DCDC1: variants seen among roughly 807,000 people sequenced by gnomAD.
DCDC1 encodes doublecortin domain containing 1.
Under a neutral mutation model 178.3 loss-of-function variants are expected in DCDC1, and 200 were observed. That is an observed-to-expected ratio of 1.12 (90% CI 1.00 to 1.26). DCDC1 has a LOEUF of 1.26. Ranked by LOEUF, DCDC1 falls within the 50% of genes most tolerant of loss-of-function variation. The pLI, the probability that DCDC1 is intolerant of heterozygous loss-of-function variation, is 0.00. For synonymous variants in DCDC1, 690 were observed against 604.8 expected (o/e 1.14, Z -2.07); for missense variants, 1,983 against 1,749.2 (o/e 1.13, Z -2.38).
At chr11:31,213,131 C>G (rs997596673) in intron 9 of DCDC1, among the ~76,000 whole-genome samples, 38 of 138,234 alleles carry the variant, frequency 2.7e-4, no homozygotes, top group African/African-American at 1.0e-3. Flanking sequence ...CTCTCTCTCT[C>G]TCTCTCTCTC....
chr11:30,987,133 C>T (rs903080439), intron 20 of DCDC1, among the ~76,000 whole-genome samples: 1 of 152,124 alleles, frequency 6.6e-6, no homozygotes, highest in Non-Finnish European at 1.5e-5. Context: ...TCTCCTGCCT[C>T]AGCCTCCCAA....
Position 31,002,254 on chromosome 11 carries a change from C to T in DCDC1, c.2592-49686G>A, listed in dbSNP as rs528815481. ...CAATGCAGAAGTAATTGTGCCAATGCTTTTCTCATTAGATGTCAATGTGAA... is the reference window on the plus strand; with the variant it reads ...CAATGCAGAAGTAATTGTGCCAATGTTTTTCTCATTAGATGTCAATGTGAA... On this transcript the variant is annotated intron_variant, in intron 20 of 38. Transcript: ENST00000684477. Among the ~76,000 whole-genome samples, 30 of 152,274 alleles carry T rather than the reference C, an allele frequency of 2.0e-4. No homozygotes were observed. In the East Asian group the frequency reaches 5.6e-3, roughly 28 times the overall value.
chr11:31,309,985 C>A (rs184049480), intron 3 of DCDC1, among the ~76,000 whole-genome samples: 1 of 152,168 alleles, frequency 6.6e-6, no homozygotes, highest in East Asian at 1.9e-4. Context: ...TTTTGTTTGT[C>A]ACACACATCT....
intron 31 of DCDC1, chr11:30,904,616 C>T (rs78195959): frequency 0.022 from 6,013 of 279,182 alleles, 355 homozygotes; most frequent in African/African-American, 0.12. Flanking sequence ...ATTCAGATGA[C>T]ATACAACTTG....
chr11:31,280,904 T>C (rs989097278), intron 7 of DCDC1: 4 of 640,540 alleles, frequency 6.2e-6, no homozygotes, highest in Non-Finnish European at 1.2e-5. Flanking sequence ...AGGCCCAGTC[T>C]TGTGCTTGCC....
intron 8 of DCDC1, among the ~76,000 whole-genome samples, chr11:31,256,674 T>A (rs1281191419): frequency 6.6e-6 from 1 of 152,178 alleles, no homozygotes; most frequent in Non-Finnish European, 1.5e-5. Context: ...TTGGGTCATG[T>A]AGTTGAATAT....
intron 9 of DCDC1, among the ~76,000 whole-genome samples, chr11:31,227,103 C>T (rs1975072567): frequency 6.6e-6 from 1 of 151,980 alleles, no homozygotes; most frequent in South Asian, 2.1e-4. Context: ...CAAAGCAAGC[C>T]AAAAAGATAT....
In DCDC1 at chr11:31,042,983, A is replaced by C. The variant is rs115721163; in HGVS notation, c.2591+21486T>G. On this transcript the variant is annotated intron_variant, in intron 20 of 38. Coordinates refer to ENST00000684477, the MANE Select transcript of DCDC1 (RefSeq NM_001387274.1). ...GGAAATGCTTCTAGGCGACTTTGTA[A>C]TTGTGAGAACATCATAGAGCGTACT... Among the ~76,000 whole-genome samples, 341 of 152,306 alleles carry C rather than the reference A, an allele frequency of 2.2e-3. 2 individuals are homozygous for C. The highest frequency in any genetic ancestry group is 7.7e-3 in the African/African-American group (321 of 41,556).
At chr11:31,217,772 T>C (rs1469472357) in intron 9 of DCDC1, among the ~76,000 whole-genome samples, 1 of 152,160 alleles carries the variant, frequency 6.6e-6, no homozygotes, top group Non-Finnish European at 1.5e-5. Flanking sequence ...TGCATGCTAA[T>C]AAGATTTTCT....
chr11:31,368,078 G>A (rs2133440492), intron 1 of DCDC1, among the ~76,000 whole-genome samples: 1 of 152,250 alleles, frequency 6.6e-6, no homozygotes, highest in African/African-American at 2.4e-5. Context: ...CCGTGGAAAT[G>A]TAAGTAAGGT....
chr11:31,294,033 C>A (rs1005199866), intron 6 of DCDC1, among the ~76,000 whole-genome samples: 5 of 152,202 alleles, frequency 3.3e-5, no homozygotes, highest in Non-Finnish European at 5.9e-5. Flanking sequence ...TTCTCTCCAA[C>A]TAATTGCTTA....
chr11:31,094,293 T>C, intron 15 of DCDC1, 109 bp from the exon 16 acceptor site: 1 of 650,602 alleles, frequency 1.5e-6, no homozygotes, highest in Admixed American at 2.4e-5. Flanking sequence ...TTCTGATTGA[T>C]ACCTCTTTTC....
chr11:30,876,738 C>G (rs1348471266), intron 38 of DCDC1, among the ~76,000 whole-genome samples: 1 of 152,088 alleles, frequency 6.6e-6, no homozygotes, highest in African/African-American at 2.4e-5. Context: ...CAACTTTTCC[C>G]TGGCAGGAAA....
chr11:30,967,660 A>C (rs1049105882), intron 20 of DCDC1, among the ~76,000 whole-genome samples: 1 of 152,222 alleles, frequency 6.6e-6, no homozygotes, highest in Non-Finnish European at 1.5e-5. Context: ...GACAGTCTTC[A>C]ATCATCAGAA....
chr11:30,892,881 C>T lies in DCDC1; in HGVS notation c.5019G>A (p.Trp1673Ter). The stretch of plus-strand genomic sequence containing the variant: ...CAGGTCTGCCTCCATTTAGATAAAT[C>T]CACACTCGTTTTGTGTTGGGCTGCT... ...LYKQPNTKRV[W>*]IYLNGGRPED... Residue 1673 changes from tryptophan to a stop codon, truncating the protein, a stop_gained, in exon 36 of 39, where the codon TGG becomes TGA. Coordinates refer to ENST00000684477, the MANE Select transcript of DCDC1 (RefSeq NM_001387274.1). LOFTEE classifies it high-confidence loss of function. 1 of 1,613,904 alleles carries T rather than the reference C, an allele frequency of 6.2e-7. No homozygotes were observed. Among genetic ancestry groups the T allele is most frequent in the Non-Finnish European group, 8.5e-7 (1 of 1,179,848 alleles).
chr11:30,943,775 G>A (rs55673205), intron 21 of DCDC1: 10,633 of 331,588 alleles, frequency 0.032, 1,061 homozygotes, highest in African/African-American at 0.21. Flanking sequence ...ATTAAATGCT[G>A]TTTGTTCATA....
chr11:30,959,388 C>A (rs1248896002), intron 20 of DCDC1, among the ~76,000 whole-genome samples: 2 of 152,130 alleles, frequency 1.3e-5, no homozygotes, highest in Non-Finnish European at 2.9e-5. Context: ...ATTCTCCTCC[C>A]TGTTCACATG....
chr11:31,115,554 T>C (rs1959768886), intron 11 of DCDC1, among the ~76,000 whole-genome samples: 1 of 152,158 alleles, frequency 6.6e-6, no homozygotes, highest in Non-Finnish European at 1.5e-5. Context: ...ACTAGAGGTC[T>C]GGTGAAGGAA....
At chr11:31,102,628 G>A (rs1251474244) in intron 14 of DCDC1, among the ~76,000 whole-genome samples, 1 of 152,184 alleles carries the variant, frequency 6.6e-6, no homozygotes, top group East Asian at 1.9e-4. Flanking sequence ...TTATAAGGTT[G>A]TTATAGCTAG....
Sources: gnomAD v4.1 joint callset for allele counts (sites outside exome capture counted in the v4.1 genomes callset) on GRCh38, gnomAD v4.1.1 for gene constraint, MANE v1.5 for transcripts, NCBI Gene and HGNC (gene_info 2026-07-23, HGNC 2026-07-21) for gene names.